G6PC1: variants seen among roughly 807,000 people sequenced by gnomAD.
G6PC1 encodes G-6-Pase.
Under a neutral mutation model 30.4 loss-of-function variants are expected in G6PC1, and 23 were observed. That is an observed-to-expected ratio of 0.76 (90% CI 0.55 to 1.07). G6PC1 has a LOEUF of 1.07. Ranked by LOEUF, G6PC1 falls within the 50% of genes least tolerant of loss-of-function variation. G6PC1 has a pLI of 0.00. For missense variants in G6PC1, 391 were observed against 433.9 expected, an observed-to-expected ratio of 0.90 and a Z score of 0.88; for synonymous variants, 163 against 175.6, an observed-to-expected ratio of 0.93 and a Z score of 0.57.
intron 3 of G6PC1, among the ~76,000 whole-genome samples, chr17:42,908,587 A>C (rs758999144): frequency 1.9e-4 from 27 of 142,310 alleles, no homozygotes; most frequent in Non-Finnish European, 3.4e-4. Flanking sequence ...TTTTATTTTT[A>C]GTAGAGATGG....
Position 42,909,320 on chromosome 17 carries a change from T to C in G6PC1, c.464T>C (p.Leu155Ser). 6.2e-7 allele frequency: 1 copy of C among 1,614,056 alleles called. No homozygotes were observed. Among genetic ancestry groups the C allele is most frequent in the Non-Finnish European group, 8.5e-7 (1 of 1,179,902 alleles). Residue 155 changes from leucine (L) to serine (S), a missense_variant, in exon 4 of 5, where the codon TTG (leucine) becomes TCG (serine). Leu to Ser is a moderately radical substitution (Grantham distance 145). Coordinates refer to ENST00000253801, the MANE Select transcript of G6PC1 (RefSeq NM_000151.4). ...TYRFRCLNVI[L>S]WLGFWAVQLN... ...TGTTGCAGGTGCTTGAATGTCATTT[T>C]GTGGTTGGGATTCTGGGCTGTGCAG...
At chr17:42,901,673 C>G (rs569629169) in intron 1 of G6PC1, among the ~76,000 whole-genome samples, 11 of 151,464 alleles carry the variant, frequency 7.3e-5, no homozygotes, top group Middle Eastern at 6.8e-3. Context: ...CCACTGCACT[C>G]CAGCCTGGGC....
intron 1 of G6PC1, among the ~76,000 whole-genome samples, chr17:42,902,466 G>A (rs1464633627): frequency 2.0e-5 from 3 of 152,068 alleles, no homozygotes; most frequent in African/African-American, 7.2e-5. Context: ...GACTAGGCTG[G>A]TCTCGAACTC....
chr17:42,903,940 T>C lies in G6PC1; in HGVS notation c.240T>C (p.Phe80=), dbSNP rs1476216590. 5.0e-6 allele frequency: 8 copies of C among 1,611,904 alleles called. No homozygotes were observed. In the East Asian group the frequency reaches 1.6e-4, roughly 31 times the overall value. The change falls in exon 2 of 5, where the codon TTT becomes TTC. Residue 80 remains phenylalanine, a synonymous_variant. Transcript: ENST00000253801. ...WLNLVFKWIL[F]GQRPYWWVLD... The stretch of plus-strand genomic sequence containing the variant: ...TTCTGTTTTTCCATAGGATTCTCTT[T>C]GGACAGCGTCCATACTGGTGGGTTT...
At chr17:42,908,792 C>T (rs1567705498) in intron 3 of G6PC1, among the ~76,000 whole-genome samples, 2 of 149,982 alleles carry the variant, frequency 1.3e-5, no homozygotes, top group African/African-American at 4.9e-5. Flanking sequence ...TAACCTCCAC[C>T]TCCTGAGTTC....
chr17:42,905,698 G>A (rs766907567), intron 2 of G6PC1, among the ~76,000 whole-genome samples: 1 of 152,094 alleles, frequency 6.6e-6, no homozygotes, highest in African/African-American at 2.4e-5. Context: ...TTAGTCCTCT[G>A]TCTTAATAGA....
intron 1 of G6PC1, among the ~76,000 whole-genome samples, chr17:42,901,566 C>T (rs906777804): frequency 2.6e-5 from 4 of 151,828 alleles, no homozygotes; most frequent in African/African-American, 9.7e-5. Context: ...TCTACAAAAA[C>T]ATTACGAAAA....
intron 1 of G6PC1, among the ~76,000 whole-genome samples, chr17:42,902,631 G>C (rs1467217275): frequency 1.3e-5 from 2 of 152,194 alleles, no homozygotes; most frequent in Non-Finnish European, 2.9e-5. Flanking sequence ...TCTCTGGGTT[G>C]ATAGAGGCCA....
chr17:42,905,047 G>A (rs147205026), intron 2 of G6PC1, among the ~76,000 whole-genome samples: 3,097 of 152,106 alleles, frequency 0.02, 121 homozygotes, highest in African/African-American at 0.068. Context: ...GGGAGGCAGA[G>A]GTTGCAGTGA....
intron 3 of G6PC1, among the ~76,000 whole-genome samples, chr17:42,908,346 C>G (rs2056074409): frequency 6.7e-6 from 1 of 149,642 alleles, no homozygotes; most frequent in South Asian, 2.1e-4. Context: ...CCTTAATTAT[C>G]AAACAGATAA....
chr17:42,906,318 T>C (rs1292425967), intron 2 of G6PC1, among the ~76,000 whole-genome samples: 1 of 152,100 alleles, frequency 6.6e-6, no homozygotes, highest in Non-Finnish European at 1.5e-5. Context: ...TTCTGCCTCA[T>C]CCAACCCCAC....
chr17:42,901,616 G>C (rs1329738280), intron 1 of G6PC1, among the ~76,000 whole-genome samples: 1 of 151,798 alleles, frequency 6.6e-6, no homozygotes, highest in Non-Finnish European at 1.5e-5. Context: ...AGCTACTCAG[G>C]AGGCTGAGGT....
At position 42,905,426 on chromosome 17, in the gene G6PC1, A is replaced by AT. The variant is rs1567704270; in HGVS notation, c.340+1386_340+1387insT. Reference sequence around the variant, plus strand: ...ATGAGACACCATCTGAAAAAAAAAAAAAAATATATATATATATACACACAC... The same window carrying AT: ...ATGAGACACCATCTGAAAAAAAAAAATAAAATATATATATATATACACACAC... On this transcript the variant is annotated intron_variant, in intron 2 of 4. Transcript: ENST00000253801. Among the ~76,000 whole-genome samples the AT allele has an allele frequency of 6.4e-4, 87 of 135,236 alleles. No individual in the cohort carries two copies. The South Asian group carries it at 0.014, about 22-fold the overall frequency. 88.7% of individuals were successfully genotyped at this position (135,236 alleles called of 152,430 possible).
Position 42,911,542 on chromosome 17 carries a change from C to T in G6PC1, c.*116C>T, listed in dbSNP as rs957762177. 24 of 1,499,816 alleles carry T rather than the reference C, an allele frequency of 1.6e-5. No homozygotes were observed. The highest frequency in any genetic ancestry group is 3.4e-5 in the Admixed American group (2 of 58,122). The allele number at this position is 1,499,816 out of a possible 1,614,324, so 92.9% of individuals were successfully genotyped here. A position where few individuals can be genotyped will look rare whatever the true frequency, so the allele number is the denominator to read the frequency against. ...GCAAGTGACATGCCATCCATTCTGCCGTCGTGGAATTAAATCACGGATGGC... is the reference window on the plus strand; with the variant it reads ...GCAAGTGACATGCCATCCATTCTGCTGTCGTGGAATTAAATCACGGATGGC... On this transcript the variant is annotated 3_prime_UTR_variant, in exon 5 of 5. Transcript: ENST00000253801.
chr17:42,908,599 G>T (rs938477398), intron 3 of G6PC1, among the ~76,000 whole-genome samples: 1 of 150,566 alleles, frequency 6.6e-6, no homozygotes, highest in South Asian at 2.1e-4. Flanking sequence ...TAGAGATGGG[G>T]TTTCACCATA....
rs141376085 is a variant in G6PC1 at position 42,909,414 on chromosome 17, G to T, written c.558G>T (p.Leu186=). Residue 186 remains leucine (L), a synonymous_variant, in exon 4 of 5, where the codon CTG becomes CTT. Transcript: ENST00000253801. ...HFPHQVVAGV[L]SGIAVAETFS... Reference sequence around the variant, plus strand: ...CTCATCAAGTTGTTGCTGGAGTCCTGTCAGGTATGGGCTGATCTGACTCCC... The same window carrying T: ...CTCATCAAGTTGTTGCTGGAGTCCTTTCAGGTATGGGCTGATCTGACTCCC... 6.2e-5 allele frequency: 100 copies of T among 1,610,428 alleles called. No homozygotes were observed. In the African/African-American group the frequency reaches 1.1e-3, roughly 18 times the overall value.
chr17:42,911,606 C>G lies in G6PC1; in HGVS notation c.*180C>G. Reference sequence around the variant, plus strand: ...GCCTGGCTTATTCCCATGTGTGACTCCAGCCTGCCCTCAGCACAGACTCTT... The same window carrying G: ...GCCTGGCTTATTCCCATGTGTGACTGCAGCCTGCCCTCAGCACAGACTCTT... On this transcript the variant is annotated 3_prime_UTR_variant, in exon 5 of 5. Coordinates refer to ENST00000253801, the MANE Select transcript of G6PC1 (RefSeq NM_000151.4). The G allele has an allele frequency of 1.2e-6, 1 of 829,076 alleles. No homozygotes were observed. Among genetic ancestry groups the G allele is most frequent in the Non-Finnish European group, 1.9e-6 (1 of 519,692 alleles). 51.4% of individuals were successfully genotyped at this position (829,076 alleles called of 1,614,324 possible).
rs559623580 is a variant in G6PC1 at position 42,903,034 on chromosome 17, G to A, written c.231-897G>A. Among the ~76,000 whole-genome samples, 8 of 148,876 alleles carry A rather than the reference G, an allele frequency of 5.4e-5. No homozygotes were observed. The East Asian group carries it at 1.2e-3, about 22-fold the overall frequency. ...TTCTTCCAGGACAAATACTTCTTGA[G>A]GTTAAAAAAAAAAAGTCACATAGCT... On this transcript the variant is annotated intron_variant, in intron 1 of 4. Coordinates refer to ENST00000253801, the MANE Select transcript of G6PC1 (RefSeq NM_000151.4).
chr17:42,904,101 A>C, intron 2 of G6PC1, 61 bp downstream of exon 2: 1 of 1,122,608 alleles, frequency 8.9e-7, no homozygotes, highest in Admixed American at 1.7e-5. Flanking sequence ...GTTATGGATG[A>C]AACTGACCTT....
Sources: gnomAD v4.1 joint callset for allele counts (sites outside exome capture counted in the v4.1 genomes callset) on GRCh38, gnomAD v4.1.1 for gene constraint, MANE v1.5 for transcripts, NCBI Gene and HGNC (gene_info 2026-07-23, HGNC 2026-07-21) for gene names.